The following ZNF609 variants were observed in gnomAD, a reference collection of about 807,000 sequenced individuals.
The protein encoded by ZNF609 is zinc finger protein 609.
In ZNF609, 11 loss-of-function variants were observed where a neutral mutation model predicts 109.5. The observed-to-expected ratio is 0.10, with a 90% CI of 0.06 to 0.17. ZNF609 has a LOEUF of 0.17. Among genes scored for constraint, ZNF609 ranks in the 10% least tolerant of loss-of-function variants. The pLI, the probability that ZNF609 is intolerant of heterozygous loss-of-function variation, is 1.00. For missense variants in ZNF609, 1,559 were observed against 1,772.4 expected, an observed-to-expected ratio of 0.88 and a Z score of 2.16; for synonymous variants, 646 against 662.0, an observed-to-expected ratio of 0.98 and a Z score of 0.37.
chr15:64,594,823 G>A (rs1266440308), intron 2 of ZNF609, among the ~76,000 whole-genome samples: 4 of 147,752 alleles, frequency 2.7e-5, no homozygotes, highest in East Asian at 2.1e-4. Context: ...TCAGGAGATC[G>A]AGACCATCCT....
chr15:64,586,630 T>C (rs1895202641), intron 2 of ZNF609, among the ~76,000 whole-genome samples: 1 of 152,102 alleles, frequency 6.6e-6, no homozygotes, highest in African/African-American at 2.4e-5. Context: ...GTTATAGCCC[T>C]GAACCATCCC....
chr15:64,537,631 T>C (rs4777365), intron 2 of ZNF609, among the ~76,000 whole-genome samples: 34,979 of 151,816 alleles, frequency 0.23, 5,134 homozygotes, highest in Admixed American at 0.41. Flanking sequence ...ACAAGTGATA[T>C]AAATAAAGGG....
At chr15:64,622,443 C>G (rs1031695048) in intron 2 of ZNF609, among the ~76,000 whole-genome samples, 1 of 152,176 alleles carries the variant, frequency 6.6e-6, no homozygotes, top group African/African-American at 2.4e-5. Flanking sequence ...GATGCTGGGC[C>G]TTGTCTTTCT....
intron 1 of ZNF609, among the ~76,000 whole-genome samples, chr15:64,474,956 C>G (rs1893146019): frequency 6.6e-6 from 1 of 151,964 alleles, no homozygotes; most frequent in South Asian, 2.1e-4. Flanking sequence ...TTATCCATAT[C>G]TTTTTTGTTG....
At chr15:64,663,988 G>A (rs1896613279) in intron 3 of ZNF609, among the ~76,000 whole-genome samples, 1 of 152,142 alleles carries the variant, frequency 6.6e-6, no homozygotes, top group Admixed American at 6.5e-5. Context: ...CAGCACTTTG[G>A]GAGCCCGAGG....
intron 2 of ZNF609, among the ~76,000 whole-genome samples, chr15:64,540,519 T>C (rs1414941838): frequency 6.6e-6 from 1 of 151,774 alleles, no homozygotes; most frequent in Non-Finnish European, 1.5e-5. Context: ...ATTCTCCTGC[T>C]TTAGCCTCCC....
chr15:64,627,444 A>C (rs1440049003), intron 3 of ZNF609, among the ~76,000 whole-genome samples: 1 of 152,160 alleles, frequency 6.6e-6, no homozygotes, highest in East Asian at 1.9e-4. Context: ...GGCCAATACC[A>C]GTGATGTAGT....
chr15:64,610,135 G>A (rs748299504), intron 2 of ZNF609, among the ~76,000 whole-genome samples: 1 of 152,106 alleles, frequency 6.6e-6, no homozygotes, highest in African/African-American at 2.4e-5. Context: ...CCAGGAGTTC[G>A]AGAGCAGCTT....
In ZNF609 at chr15:64,674,257, T is replaced by A; in HGVS notation, c.1403T>A (p.Met468Lys). 6.2e-7 allele frequency: 1 copy of A among 1,614,184 alleles called. No homozygotes were observed. Among genetic ancestry groups the A allele is most frequent in the Non-Finnish European group, 8.5e-7 (1 of 1,180,034 alleles). The change falls in exon 5 of 10, where the codon ATG (methionine) becomes AAG (lysine). Residue 468 changes from methionine to lysine, a missense_variant. Met to Lys is a moderately conservative substitution (Grantham distance 95, BLOSUM62 -1). Coordinates refer to ENST00000326648, the MANE Select transcript of ZNF609 (RefSeq NM_015042.2). ...KGSKRVRTNS[M>K]GSATGPLPGT... Reference sequence around the variant, plus strand: ...AGCAAGCGTGTCCGTACTAATTCCATGGGCTCAGCCACTGGCCCCCTTCCT... The same window carrying A: ...AGCAAGCGTGTCCGTACTAATTCCAAGGGCTCAGCCACTGGCCCCCTTCCT...
At position 64,676,099 on chromosome 15, in the gene ZNF609, A is replaced by C. The variant is rs369238345; in HGVS notation, c.3245A>C (p.Lys1082Thr). 7.4e-6 allele frequency: 12 copies of C among 1,614,120 alleles called. No homozygotes were observed. Among genetic ancestry groups the C allele is most frequent in the Middle Eastern group, 1.6e-4 (1 of 6,084 alleles). Residue 1082 changes from lysine (K) to threonine (T), a missense_variant, in exon 5 of 10, where the codon AAG becomes ACG. This residue lies in a region of ZNF609 where 1,204 missense variants were observed against 1,314.1 expected (regional missense o/e 0.92). Coordinates refer to ENST00000326648, the MANE Select transcript of ZNF609 (RefSeq NM_015042.2). The stretch of plus-strand genomic sequence containing the variant: ...CCAGCCAAATCAGTCATCATTCCCA[A>C]GTTAGATGACTCTTCAAAACTCCCG... The part of the protein sequence containing the change: ...ADPAKSVIIP[K>T]LDDSSKLPGQ...
intron 4 of ZNF609, 112 bp from the exon 5 acceptor site, chr15:64,673,804 A>T: frequency 8.3e-7 from 1 of 1,204,806 alleles, no homozygotes. Flanking sequence ...AACAAATCAT[A>T]TTCATTGAAA....
At chr15:64,616,546 G>T (rs1440125232) in intron 2 of ZNF609, among the ~76,000 whole-genome samples, 1 of 110,734 alleles carries the variant, frequency 9.0e-6, no homozygotes, top group Non-Finnish European at 1.7e-5. Flanking sequence ...TTGAGATGGA[G>T]TCTCACTCTG....
At chr15:64,568,344 C>T (rs924981165) in intron 2 of ZNF609, among the ~76,000 whole-genome samples, 1 of 152,208 alleles carries the variant, frequency 6.6e-6, no homozygotes, top group African/African-American at 2.4e-5. Context: ...TTCCTTGTCA[C>T]TTTGTCATGT....
intron 1 of ZNF609, among the ~76,000 whole-genome samples, chr15:64,497,782 T>C (rs890239991): frequency 6.6e-6 from 1 of 151,450 alleles, no homozygotes; most frequent in Non-Finnish European, 1.5e-5. Flanking sequence ...ACGCCTGTAA[T>C]CCCAACCTCT....
chr15:64,641,219 C>CTTTTTTTTCTT (rs1896249926), intron 3 of ZNF609, among the ~76,000 whole-genome samples: 1 of 69,738 alleles, frequency 1.4e-5, no homozygotes, highest in Non-Finnish European at 2.6e-5. Flanking sequence ...CTTGTGCTTT[C>CTTTTTTTTCTT]TTTTTTTTTT....
At chr15:64,506,926 A>G (rs1173892788) in intron 2 of ZNF609, among the ~76,000 whole-genome samples, 2 of 152,202 alleles carry the variant, frequency 1.3e-5, no homozygotes, top group African/African-American at 2.4e-5. Flanking sequence ...GAATAGATAT[A>G]CATGTTAGCT....
At chr15:64,533,764 C>CAG in intron 2 of ZNF609, among the ~76,000 whole-genome samples, 1 of 152,222 alleles carries the variant, frequency 6.6e-6, no homozygotes, top group African/African-American at 2.4e-5. Context: ...TAAAATAATA[C>CAG]AGAGAGATCC....
intron 1 of ZNF609, among the ~76,000 whole-genome samples, chr15:64,471,975 A>G (rs1893098075): frequency 6.6e-6 from 1 of 151,070 alleles, no homozygotes; most frequent in Admixed American, 6.6e-5. Context: ...CAATGGCACA[A>G]TCTCAGCTAA....
Position 64,673,956 on chromosome 15 carries a change from G to A in ZNF609, c.1102G>A (p.Gly368Ser), listed in dbSNP as rs1896770917. 1 of 1,614,004 alleles carries A rather than the reference G, an allele frequency of 6.2e-7. No homozygotes were observed. Among genetic ancestry groups the A allele is most frequent in the Non-Finnish European group, 8.5e-7 (1 of 1,179,876 alleles). Residue 368 changes from glycine (G) to serine (S), a missense_variant, in exon 5 of 10, where the codon GGC (glycine) becomes AGC (serine). Gly to Ser is a moderately conservative substitution (Grantham distance 56). Around this residue, in one of 4 missense-constraint regions of ZNF609, gnomAD observed 1,204 missense variants for 1,314.1 expected, o/e 0.92. Transcript: ENST00000326648. Reference sequence around the variant, plus strand: ...GACCAGTGACCTGGAAATGCGCAATGGCCGGGGTAGAGGCAAACGCATGCG... The same window carrying A: ...GACCAGTGACCTGGAAATGCGCAATAGCCGGGGTAGAGGCAAACGCATGCG... Reference protein sequence around the residue: ...SPTSDLEMRNGRGRGKRMRPN... With the variant: ...SPTSDLEMRNSRGRGKRMRPN...
Sources: gnomAD v4.1 joint callset for allele counts (sites outside exome capture counted in the v4.1 genomes callset) on GRCh38, gnomAD v4.1.1 for gene constraint, gnomAD v4.1.1 regional missense constraint, MANE v1.5 for transcripts, NCBI Gene and HGNC (gene_info 2026-07-23, HGNC 2026-07-21) for gene names.